The following ARHGEF3 variants were observed in gnomAD, a reference collection of about 807,000 sequenced individuals.
ARHGEF3 encodes Rho guanine nucleotide exchange factor 3.
A neutral mutation model predicts 63.2 loss-of-function variants in ARHGEF3; 28 were observed. The ratio of observed to expected loss-of-function variants is 0.44; its 90% CI spans 0.33 to 0.61. The LOEUF (loss-of-function observed/expected upper bound fraction) is 0.61. Ranked by LOEUF, ARHGEF3 falls within the 20% of genes least tolerant of loss-of-function variation. The pLI is 0.03. For synonymous variants in ARHGEF3, 266 were observed against 254.2 expected (o/e 1.05, Z -0.44); for missense variants, 533 against 659.3 (o/e 0.81, Z 2.10).
chr3:56,793,518 G>A (rs1262441703), intron 1 of ARHGEF3, among the ~76,000 whole-genome samples: 1 of 151,478 alleles, frequency 6.6e-6, no homozygotes, highest in Non-Finnish European at 1.5e-5. Context: ...GGCCAGGCTG[G>A]TCTTGAACTC....
Position 56,729,440 on chromosome 3 carries a change from T to G in ARHGEF3, c.1411A>C (p.Thr471Pro), listed in dbSNP as rs2032953108. Residue 471 changes from threonine (T) to proline (P), a missense_variant, in exon 10 of 10, where the codon ACC becomes CCC. By Grantham distance (38) the Thr-to-Pro change is conservative. Around this residue, in one of 4 missense-constraint regions of ARHGEF3, gnomAD observed 115 missense variants for 103.4 expected, o/e 1.11. Transcript: ENST00000296315. Reference sequence around the variant, plus strand: ...CCCTGTAGCTCTCTGCTCCCGGTGGTGGGATTTAGGAACGATCCCTCGGAG... The same window carrying G: ...CCCTGTAGCTCTCTGCTCCCGGTGGGGGGATTTAGGAACGATCCCTCGGAG... ...LDSEGSFLNPTTGSRELQGET... is the reference protein window; with the variant it reads ...LDSEGSFLNPPTGSRELQGET... The G allele has an allele frequency of 6.2e-7, 1 of 1,614,034 alleles. No homozygotes were observed. Among genetic ancestry groups the G allele is most frequent in the Non-Finnish European group, 8.5e-7 (1 of 1,180,030 alleles).
Position 56,967,357 on chromosome 3 carries a change from ATAT to A in ARHGEF3, c.63-8471_63-8469del, listed in dbSNP as rs569754578. Among the ~76,000 whole-genome samples the A allele has an allele frequency of 1.0e-3, 54 of 52,710 alleles. 6 individuals carry two copies. The highest frequency in any genetic ancestry group is 2.4e-3 in the African/African-American group (43 of 18,242). 34.6% of individuals were successfully genotyped at this position (52,710 alleles called of 152,430 possible). A position where few individuals can be genotyped will look rare whatever the true frequency, so the allele number is the denominator to read the frequency against. On this transcript the variant is annotated intron_variant, in intron 2 of 12. Transcript: ENST00000338458. ...TATTGTACATATCATATATTATATA[ATAT>A]TATATTATATATTATATATTATACA... is the stretch of plus-strand genomic sequence containing the variant.
chr3:56,998,662 T>C (rs17235827), intron 2 of ARHGEF3, among the ~76,000 whole-genome samples: 24,606 of 152,132 alleles, frequency 0.16, 2,262 homozygotes, highest in Non-Finnish European at 0.21. Context: ...GAAAGCCAAG[T>C]GGCCATTTGG....
Position 56,848,012 on chromosome 3 carries a change from C to T in ARHGEF3, c.192+34280G>A, listed in dbSNP as rs140393097. On this transcript the variant is annotated intron_variant, in intron 4 of 12. Transcript: ENST00000338458. ...AGAAGCCAACACACAGAGATGGAGA[C>T]ATCACGACTACAATAAGCACCATGG... is the stretch of plus-strand genomic sequence containing the variant. 2.5e-3 allele frequency among the ~76,000 whole-genome samples: 378 copies of T among 152,260 alleles called. 2 individuals are homozygous for T. Among genetic ancestry groups the T allele is most frequent in the African/African-American group, 8.5e-3 (354 of 41,558 alleles).
At chr3:57,010,455 CAAA>C (rs35833729) in intron 2 of ARHGEF3, among the ~76,000 whole-genome samples, 3 of 50,962 alleles carry the variant, frequency 5.9e-5, no homozygotes, top group African/African-American at 1.4e-4. Flanking sequence ...GACTCCATCT[CAAA>C]AAAAAAAAAA....
At chr3:56,918,718 C>T (rs1434319213) in intron 3 of ARHGEF3, among the ~76,000 whole-genome samples, 2 of 152,196 alleles carry the variant, frequency 1.3e-5, no homozygotes, top group Admixed American at 6.5e-5. Context: ...AGGCTCTGAT[C>T]CGCAAGGTCC....
intron 1 of ARHGEF3, among the ~76,000 whole-genome samples, chr3:57,056,732 G>A (rs967940369): frequency 6.6e-5 from 10 of 152,032 alleles, no homozygotes; most frequent in African/African-American, 2.4e-4. Flanking sequence ...GTTGCCTCAT[G>A]TTGGGCATGG....
intron 3 of ARHGEF3, among the ~76,000 whole-genome samples, chr3:56,909,218 AAG>A (rs1490896164): frequency 6.6e-6 from 1 of 152,214 alleles, no homozygotes; most frequent in Non-Finnish European, 1.5e-5. Flanking sequence ...CAGTTTTCTA[AAG>A]AGAATACTCA....
At chr3:56,795,842 G>A (rs149303707) in intron 1 of ARHGEF3, among the ~76,000 whole-genome samples, 313 of 151,828 alleles carry the variant, frequency 2.1e-3, no homozygotes, top group African/African-American at 6.6e-3. Flanking sequence ...GGGTTTCACC[G>A]TTGGTCAGGC....
intron 2 of ARHGEF3, among the ~76,000 whole-genome samples, chr3:56,994,082 A>AAAAAAAAAAAAAAAAAAAAAAAAAC (rs1433202567): frequency 6.9e-6 from 1 of 144,242 alleles, no homozygotes. Flanking sequence ...AAAAAAAAAA[A>AAAAAAAAAAAAAAAAAAAAAAAAAC]AAAGCACACT....
At chr3:56,829,880 T>C (rs1429083859) in intron 4 of ARHGEF3, among the ~76,000 whole-genome samples, 1 of 152,188 alleles carries the variant, frequency 6.6e-6, no homozygotes, top group East Asian at 1.9e-4. Flanking sequence ...GTCAGGACTT[T>C]AGCAAAGTTC....
intron 1 of ARHGEF3, among the ~76,000 whole-genome samples, chr3:57,052,602 C>T (rs967471873): frequency 1.3e-5 from 2 of 152,080 alleles, no homozygotes; most frequent in African/African-American, 4.8e-5. Flanking sequence ...CAGCCAGAGC[C>T]TACATTCTTA....
intron 4 of ARHGEF3, among the ~76,000 whole-genome samples, chr3:56,837,256 G>A (rs2039145362): frequency 1.3e-5 from 2 of 152,156 alleles, no homozygotes. Context: ...TTAAAAGGAA[G>A]GGGAGGGAGC....
At chr3:56,754,917 T>C in intron 3 of ARHGEF3, 64 bp downstream of exon 3, 1 of 1,599,134 alleles carries the variant, frequency 6.3e-7, no homozygotes, top group Non-Finnish European at 8.5e-7. Flanking sequence ...AATTCCAGCA[T>C]GGCTGACGCT....
At chr3:56,781,158 C>T (rs1177650048) in intron 1 of ARHGEF3, among the ~76,000 whole-genome samples, 1 of 151,996 alleles carries the variant, frequency 6.6e-6, no homozygotes, top group African/African-American at 2.4e-5. Flanking sequence ...TGAAGGATTG[C>T]CAGCAAACAC....
At chr3:57,078,555 G>A (rs1430586045) in intron 1 of ARHGEF3, 1 of 152,412 alleles carries the variant, frequency 6.6e-6, no homozygotes, top group Non-Finnish European at 1.5e-5. Flanking sequence ...ACCCGTCTCT[G>A]GCTGCGAGGC....
At chr3:57,004,455 C>T (rs963612103) in intron 2 of ARHGEF3, among the ~76,000 whole-genome samples, 4 of 152,212 alleles carry the variant, frequency 2.6e-5, no homozygotes, top group Admixed American at 2.6e-4. Context: ...TTCCTCACCG[C>T]ACCTTCAGAC....
intron 2 of ARHGEF3, among the ~76,000 whole-genome samples, chr3:57,005,362 A>C (rs1290536274): frequency 6.6e-6 from 1 of 152,192 alleles, no homozygotes; most frequent in African/African-American, 2.4e-5. Context: ...ACAGTTAGTA[A>C]GTAGTGGAGC....
At chr3:57,077,730 C>G (rs1298771893) in intron 1 of ARHGEF3, among the ~76,000 whole-genome samples, 1 of 152,156 alleles carries the variant, frequency 6.6e-6, no homozygotes, top group Non-Finnish European at 1.5e-5. Flanking sequence ...CCACCCTCCC[C>G]CCAACCAAGA....
Sources: gnomAD v4.1 joint callset for allele counts (sites outside exome capture counted in the v4.1 genomes callset) on GRCh38, gnomAD v4.1.1 for gene constraint, gnomAD v4.1.1 regional missense constraint, MANE v1.5 for transcripts, NCBI Gene and HGNC (gene_info 2026-07-23, HGNC 2026-07-21) for gene names.